The following SDK1 variants were observed in gnomAD, a reference collection of about 807,000 sequenced individuals.
SDK1 encodes the protein sidekick cell adhesion molecule 1, also known as protein sidekick-1.
A neutral mutation model predicts 245.5 loss-of-function variants in SDK1; 157 were observed. The ratio of observed to expected loss-of-function variants is 0.64; its 90% CI spans 0.56 to 0.73. SDK1 has a LOEUF of 0.73. SDK1 is among the 30% of genes least tolerant of loss of function. SDK1 has a pLI of 0.00. For synonymous variants in SDK1, 1,647 were observed against 1,278.5 expected (o/e 1.29, Z -6.15); for missense variants, 3,583 against 3,002.3 (o/e 1.19, Z -4.52).
chr7:3,792,207 C>G (rs752117299), intron 4 of SDK1, among the ~76,000 whole-genome samples: 1 of 152,082 alleles, frequency 6.6e-6, no homozygotes, highest in Non-Finnish European at 1.5e-5. Flanking sequence ...GGCTCCAGAC[C>G]ATTCCAGCCC....
chr7:3,462,342 C>T (rs536977343), intron 1 of SDK1, among the ~76,000 whole-genome samples: 24 of 152,224 alleles, frequency 1.6e-4, no homozygotes, highest in Admixed American at 6.5e-4. Flanking sequence ...CCCCCTGCCC[C>T]GCCGAGGTTG....
At chr7:3,997,105 A>G (rs1375501281) in intron 14 of SDK1, among the ~76,000 whole-genome samples, 4 of 152,228 alleles carry the variant, frequency 2.6e-5, no homozygotes, top group South Asian at 2.1e-4. Context: ...CCTTCTTCTG[A>G]CTTCTGTCAC....
chr7:3,418,215 G>A (rs1779434313), intron 1 of SDK1, among the ~76,000 whole-genome samples: 1 of 151,452 alleles, frequency 6.6e-6, no homozygotes, highest in African/African-American at 2.4e-5. Flanking sequence ...TACATGGGAG[G>A]CTGAGGCAGG....
intron 44 of SDK1, among the ~76,000 whole-genome samples, chr7:4,255,135 CTT>C (rs1398098917): frequency 6.6e-6 from 1 of 152,234 alleles, no homozygotes; most frequent in African/African-American, 2.4e-5. Flanking sequence ...TCAGAAGTCT[CTT>C]TTCCTGGTTC....
chr7:3,659,591 C>G (rs541156512), intron 4 of SDK1, among the ~76,000 whole-genome samples: 3 of 152,228 alleles, frequency 2.0e-5, no homozygotes, highest in Admixed American at 1.3e-4. Context: ...TCGGCAGGGA[C>G]TAGATTGTGC....
At chr7:3,692,793 C>T (rs548102971) in intron 4 of SDK1, among the ~76,000 whole-genome samples, 13 of 152,020 alleles carry the variant, frequency 8.6e-5, no homozygotes, top group South Asian at 2.1e-4. Context: ...ATTCTAGAAT[C>T]GCATCGATTT....
intron 2 of SDK1, among the ~76,000 whole-genome samples, chr7:3,631,263 A>C (rs150674532): frequency 6.6e-6 from 1 of 152,012 alleles, no homozygotes; most frequent in Non-Finnish European, 1.5e-5. Flanking sequence ...TTTTCTTTTA[A>C]TCTATTGAGC....
At chr7:3,788,371 G>A (rs1241872181) in intron 4 of SDK1, among the ~76,000 whole-genome samples, 2 of 152,174 alleles carry the variant, frequency 1.3e-5, no homozygotes, top group Non-Finnish European at 2.9e-5. Context: ...ATGCAGTCTC[G>A]TGCTTTCTAG....
intron 1 of SDK1, among the ~76,000 whole-genome samples, chr7:3,318,295 G>C (rs554519727): frequency 6.6e-6 from 1 of 152,152 alleles, no homozygotes; most frequent in African/African-American, 2.4e-5. Context: ...ATGAGTCGTA[G>C]AGCTGGATTC....
At chr7:3,720,362 A>G (rs1298814624) in intron 4 of SDK1, among the ~76,000 whole-genome samples, 1 of 152,220 alleles carries the variant, frequency 6.6e-6, no homozygotes, top group Non-Finnish European at 1.5e-5. Context: ...AATATATTGA[A>G]TATATAGACT....
chr7:3,761,230 A>G (rs1183832363), intron 4 of SDK1, among the ~76,000 whole-genome samples: 4 of 144,020 alleles, frequency 2.8e-5, no homozygotes, highest in Non-Finnish European at 6.1e-5. Flanking sequence ...TGAAAAATCC[A>G]GTAGTTTTTT....
At chr7:3,466,228 G>T (rs1780996246) in intron 1 of SDK1, among the ~76,000 whole-genome samples, 1 of 151,666 alleles carries the variant, frequency 6.6e-6, no homozygotes, top group Non-Finnish European at 1.5e-5. Flanking sequence ...GAGTCCTAAG[G>T]CAGATTTTCA....
At chr7:3,343,728 A>T (rs1261979311) in intron 1 of SDK1, among the ~76,000 whole-genome samples, 4 of 152,222 alleles carry the variant, frequency 2.6e-5, no homozygotes, top group Non-Finnish European at 5.9e-5. Flanking sequence ...AAAAAGTTAA[A>T]TATGAATGGA....
intron 22 of SDK1, among the ~76,000 whole-genome samples, chr7:4,094,069 T>G (rs1405177211): frequency 6.6e-6 from 1 of 152,058 alleles, no homozygotes; most frequent in East Asian, 1.9e-4. Context: ...GTTTTTTGCT[T>G]TTTTTGAGAC....
intron 19 of SDK1, among the ~76,000 whole-genome samples, chr7:4,066,743 G>T (rs1322338684): frequency 2.6e-5 from 4 of 152,174 alleles, no homozygotes; most frequent in Non-Finnish European, 5.9e-5. Context: ...AGAGATGTGG[G>T]TCAGAACTGC....
At chr7:3,580,984 A>AAAAAAAAAAAAAAAAAAAAAAC (rs1562578308) in intron 1 of SDK1, among the ~76,000 whole-genome samples, 2 of 139,392 alleles carry the variant, frequency 1.4e-5, no homozygotes, top group African/African-American at 5.3e-5. Context: ...AAAAAAAAAA[A>AAAAAAAAAAAAAAAAAAAAAAC]AAAAAAAAAA....
At chr7:3,896,448 A>G (rs1207082434) in intron 5 of SDK1, among the ~76,000 whole-genome samples, 1 of 152,086 alleles carries the variant, frequency 6.6e-6, no homozygotes, top group East Asian at 1.9e-4. Flanking sequence ...ACAGATCAAC[A>G]CTCAGCAAAA....
chr7:3,668,463 G>A (rs1783602497), intron 4 of SDK1, among the ~76,000 whole-genome samples: 1 of 152,188 alleles, frequency 6.6e-6, no homozygotes, highest in South Asian at 2.1e-4. Context: ...CATACAGAGA[G>A]AAGCTGTCAC....
At chr7:3,912,667 C>G (rs1779216200) in intron 5 of SDK1, among the ~76,000 whole-genome samples, 1 of 152,222 alleles carries the variant, frequency 6.6e-6, no homozygotes, top group Non-Finnish European at 1.5e-5. Context: ...CCCCCTGGGC[C>G]CACCCCACGG....
Sources: allele counts gnomAD v4.1 joint callset (sites outside exome capture counted in the v4.1 genomes callset), GRCh38; gene constraint gnomAD v4.1.1; transcripts MANE v1.5; gene names NCBI Gene and HGNC (gene_info 2026-07-23, HGNC 2026-07-21).